Variants in SIK3 observed in about 807,000 individuals in gnomAD.
SIK3 encodes the protein SIK family kinase 3.
SIK3 carries 28 observed loss-of-function variants against 144.2 expected under a neutral mutation model. The ratio of observed to expected loss-of-function variants is 0.19; its 90% confidence interval spans 0.14 to 0.27. The LOEUF (loss-of-function observed/expected upper bound fraction) is 0.27. Ranked by LOEUF, SIK3 falls within the 10% of genes least tolerant of loss-of-function variation. The probability of loss-of-function intolerance (pLI) is 1.00; values close to 1 mark genes in which losing one functional copy is unlikely to be tolerated. For synonymous variants in SIK3, 686 were observed against 676.3 expected, an observed-to-expected ratio of 1.01 and a Z score of -0.22; for missense variants, 1,319 against 1,776.0, an observed-to-expected ratio of 0.74 and a Z score of 4.62.
chr11:117,082,769 T>C (rs1458631770), intron 1 of SIK3, among the ~76,000 whole-genome samples: 1 of 152,214 alleles, frequency 6.6e-6, no homozygotes, highest in East Asian at 1.9e-4. Context: ...CTGTGAAATG[T>C]ACCTCAATAA....
intron 4 of SIK3, among the ~76,000 whole-genome samples, chr11:116,915,158 G>GTGTGTGTGTA: frequency 6.7e-6 from 1 of 148,670 alleles, no homozygotes; most frequent in African/African-American, 2.6e-5. Context: ...GTGTGTGTGT[G>GTGTGTGTGTA]TGTATGTGTA....
chr11:117,020,839 G>A lies in SIK3; in HGVS notation c.274-63775C>T, dbSNP rs149457376. Among the ~76,000 whole-genome samples the A allele has an allele frequency of 2.4e-4, 37 of 152,240 alleles. No homozygotes were observed. In the East Asian group the frequency reaches 6.9e-3, roughly 29 times the overall value. ...ATGAACTGGTCAGTATGTTTCCTGA[G>A]TTCTGTGAGCCACTCTAACAATTTC... On this transcript the variant is annotated intron_variant, in intron 1 of 24. Coordinates refer to ENST00000445177, the MANE Select transcript of SIK3 (RefSeq NM_001366686.3).
chr11:117,070,752 CTTTT>C (rs368884148), intron 1 of SIK3, among the ~76,000 whole-genome samples: 4 of 128,134 alleles, frequency 3.1e-5, no homozygotes, highest in African/African-American at 3.1e-5. Flanking sequence ...GGCCCTTTTT[CTTTT>C]TTTTTTTTTT....
At chr11:117,079,874 A>AAATTATATAATTACTGTTTTTTTCCC (rs1954708371) in intron 1 of SIK3, among the ~76,000 whole-genome samples, 1 of 152,148 alleles carries the variant, frequency 6.6e-6, no homozygotes, top group Non-Finnish European at 1.5e-5. Context: ...CCTAATATTA[A>AAATTATATAATTACTGTTTTTTTCCC]AAAGCTATTA....
chr11:117,026,548 A>T (rs528605207), intron 1 of SIK3, among the ~76,000 whole-genome samples: 2 of 152,314 alleles, frequency 1.3e-5, no homozygotes, highest in South Asian at 4.1e-4. Flanking sequence ...CTAAATAAGA[A>T]CTTCAGCATG....
intron 15 of SIK3, among the ~76,000 whole-genome samples, chr11:116,865,678 C>A (rs1943596028): frequency 6.6e-6 from 1 of 152,142 alleles, no homozygotes. Flanking sequence ...TTAGACCACT[C>A]TTCTGTTTCC....
At chr11:116,881,487 A>G (rs1944546429) in intron 6 of SIK3, among the ~76,000 whole-genome samples, 1 of 152,158 alleles carries the variant, frequency 6.6e-6, no homozygotes, top group Non-Finnish European at 1.5e-5. Context: ...TCCTAAAATG[A>G]GAATTAAGTT....
chr11:116,852,000 A>G (rs1942491580), intron 21 of SIK3, among the ~76,000 whole-genome samples: 2 of 152,230 alleles, frequency 1.3e-5, no homozygotes, highest in Non-Finnish European at 2.9e-5. Context: ...AAGCCTGATT[A>G]TATAGTTGGA....
At chr11:116,961,526 G>A (rs1222121930) in intron 1 of SIK3, among the ~76,000 whole-genome samples, 3 of 152,098 alleles carry the variant, frequency 2.0e-5, no homozygotes, top group Non-Finnish European at 4.4e-5. Flanking sequence ...AACTGAATGT[G>A]TCCACAACAA....
intron 1 of SIK3, among the ~76,000 whole-genome samples, chr11:117,038,588 C>T (rs960514922): frequency 1.3e-5 from 2 of 152,094 alleles, no homozygotes; most frequent in East Asian, 2.0e-4. Context: ...AACTCCTGAC[C>T]TCAGGTGATC....
At chr11:116,988,838 A>T (rs2135548849) in intron 1 of SIK3, among the ~76,000 whole-genome samples, 1 of 151,010 alleles carries the variant, frequency 6.6e-6, no homozygotes, top group African/African-American at 2.4e-5. Context: ...TATAAATATA[A>T]ATGTGTGAGA....
chr11:117,019,399 A>C (rs942220774), intron 1 of SIK3, among the ~76,000 whole-genome samples: 1 of 152,220 alleles, frequency 6.6e-6, no homozygotes, highest in Non-Finnish European at 1.5e-5. Flanking sequence ...GGGAATGGAC[A>C]CCAATACAAG....
At chr11:116,978,357 A>G (rs1204406675) in intron 1 of SIK3, among the ~76,000 whole-genome samples, 4 of 152,144 alleles carry the variant, frequency 2.6e-5, no homozygotes, top group Non-Finnish European at 4.4e-5. Flanking sequence ...GTACTCTTCC[A>G]TTCCCCAGTA....
chr11:117,075,197 T>C (rs968400892), intron 1 of SIK3, among the ~76,000 whole-genome samples: 2 of 152,228 alleles, frequency 1.3e-5, no homozygotes, highest in Non-Finnish European at 2.9e-5. Context: ...TGGATGATCA[T>C]GGGGTATGTG....
chr11:116,934,387 A>G (rs1947789181), intron 3 of SIK3, among the ~76,000 whole-genome samples: 2 of 152,374 alleles, frequency 1.3e-5, no homozygotes, highest in Non-Finnish European at 2.9e-5. Context: ...GCTCACCTCA[A>G]TGAATTCAAG....
At chr11:117,032,626 C>T (rs771081916) in intron 1 of SIK3, among the ~76,000 whole-genome samples, 4 of 151,870 alleles carry the variant, frequency 2.6e-5, no homozygotes, top group Non-Finnish European at 5.9e-5. Context: ...CCTAGCTCAG[C>T]CTCCCGAGTA....
At position 116,897,342 on chromosome 11, in the gene SIK3, C is replaced by T. The variant is rs187298935; in HGVS notation, c.617-25G>A. ...TCTAGAAAGGCAAATGGACATAATTCGTATTATTGTAACCTTTTATTATAA... is the reference window on the plus strand; with the variant it reads ...TCTAGAAAGGCAAATGGACATAATTTGTATTATTGTAACCTTTTATTATAA... On this transcript the variant is annotated intron_variant, in intron 4 of 24. Transcript: ENST00000445177. 229 of 1,606,028 alleles carry T rather than the reference C, an allele frequency of 1.4e-4. No homozygotes were observed. The East Asian group carries it at 4.6e-3, about 32-fold the overall frequency.
intron 1 of SIK3, among the ~76,000 whole-genome samples, chr11:116,969,759 G>A (rs1228934155): frequency 6.6e-6 from 1 of 152,014 alleles, no homozygotes; most frequent in African/African-American, 2.4e-5. Flanking sequence ...TAACACATAA[G>A]ACAGAAAAAA....
At chr11:117,089,509 C>T (rs1400808812) in intron 1 of SIK3, among the ~76,000 whole-genome samples, 2 of 151,822 alleles carry the variant, frequency 1.3e-5, no homozygotes, top group African/African-American at 4.8e-5. Flanking sequence ...GAATTTTGGG[C>T]CATATATCAT....
Sources: gnomAD v4.1 joint callset for allele counts (sites outside exome capture counted in the v4.1 genomes callset) on GRCh38, gnomAD v4.1.1 for gene constraint, MANE v1.5 for transcripts, NCBI Gene and HGNC (gene_info 2026-07-23, HGNC 2026-07-21) for gene names.